The following RHOT2 variants were observed in gnomAD, a reference collection of about 807,000 sequenced individuals.
RHOT2 encodes the protein mitochondrial Rho GTPase 2.
In RHOT2, 90 loss-of-function variants were observed where a neutral mutation model predicts 81.6. The ratio of observed to expected loss-of-function variants is 1.10; its 90% confidence interval spans 0.93 to 1.31. RHOT2 has a LOEUF of 1.31. Among genes scored for constraint, RHOT2 ranks in the 40% most tolerant of loss-of-function variants. RHOT2 has a pLI of 0.00. For missense variants in RHOT2, 1,014 were observed against 841.9 expected (o/e 1.20, Z -2.53); for synonymous variants, 512 against 370.9 (o/e 1.38, Z -4.37).
rs1266717332 is a variant in RHOT2, at chr16:672,312, G to A, written c.1254G>A (p.Leu418=). The A allele has an allele frequency of 3.7e-6, 6 of 1,612,460 alleles. No individual in the cohort carries two copies. Among genetic ancestry groups the A allele is most frequent in the Admixed American group, 1.7e-5 (1 of 59,976 alleles). ...EKGQTQRSVL[L]CKVVGARGVG... ...GACAGACGCAGCGGAGCGTCCTCCT[G>A]TGCAAGGTGGTAGGGGCCCGTGGAG... is the stretch of plus-strand genomic sequence containing the variant. The change falls in exon 15 of 19, where the codon CTG becomes CTA. Residue 418 remains leucine (L), a synonymous_variant. Coordinates refer to ENST00000315082, the MANE Select transcript of RHOT2 (RefSeq NM_138769.3).
chr16:668,313 G>GTA, intron 1 of RHOT2, 40 bp from the exon 2 acceptor site: 2 of 1,290,320 alleles, frequency 1.5e-6, no homozygotes, highest in Non-Finnish European at 9.8e-7. Flanking sequence ...GGGGGGCGCC[G>GTA]TGACCTTGGC....
intron 5 of RHOT2, 70 bp from the exon 6 acceptor site, chr16:670,053 G>T: frequency 7.0e-7 from 1 of 1,431,422 alleles, no homozygotes; most frequent in Non-Finnish European, 9.4e-7. Context: ...CCCCCAGCCA[G>T]GCTCATGCTC....
rs375138508 is a variant in RHOT2 at position 671,677 on chromosome 16, G to A, written c.870-20G>A. 40 of 1,606,970 alleles carry A rather than the reference G, an allele frequency of 2.5e-5. No homozygotes were observed. Among genetic ancestry groups the A allele is most frequent in the Admixed American group, 1.5e-4 (9 of 59,814 alleles). ...CTGCAGAGTCTCCTGGGAGCTAGAC[G>A]GGCTGTGGCCTCCCTGCAGGATCCA... On this transcript the variant is annotated intron_variant, in intron 11 of 18. Coordinates refer to ENST00000315082, the MANE Select transcript of RHOT2 (RefSeq NM_138769.3).
At chr16:669,227 T>C in intron 4 of RHOT2, 1 of 474,776 alleles carries the variant, frequency 2.1e-6, no homozygotes, top group South Asian at 2.3e-5. Flanking sequence ...TGGCCGTGTC[T>C]GTCCTGAGCC....
At chr16:669,761 G>C (rs780395905) in intron 5 of RHOT2, 155 bp downstream of exon 5, 160 of 734,060 alleles carry the variant, frequency 2.2e-4, no homozygotes, top group Non-Finnish European at 4.2e-5. Flanking sequence ...GCCCTCTCCT[G>C]TGATCCCACT....
Position 670,720 on chromosome 16 carries a change from T to G in RHOT2, c.586T>G (p.Ser196Ala), listed in dbSNP as rs150725555. 16 of 1,612,470 alleles carry G rather than the reference T, an allele frequency of 9.9e-6. No individual in the cohort carries two copies. The highest frequency in any genetic ancestry group is 3.3e-4 in the Middle Eastern group (2 of 6,058). ...GGCGCTGACGCGCATCTTCAGGCTC[T>G]CAGATCAGGACCTGGACCAGGCGCT... ...AQALTRIFRL[S>A]DQDLDQALSD... The change falls in exon 9 of 19, where the codon TCA (serine) becomes GCA (alanine). Residue 196 changes from serine to alanine, a missense_variant. Transcript: ENST00000315082.
Position 672,003 on chromosome 16 carries a change from G to T in RHOT2, c.1097+1G>T. On this transcript the variant is annotated splice_donor_variant, in intron 13 of 18. Transcript: ENST00000315082. LOFTEE classifies it high-confidence loss of function. Reference sequence around the variant, plus strand: ...TGCACGGATACCTCTGCCAGTGGACGTAAGTGCGGCCCACACCATGCCCGC... The same window carrying T: ...TGCACGGATACCTCTGCCAGTGGACTTAAGTGCGGCCCACACCATGCCCGC... 6.2e-7 allele frequency: 1 copy of T among 1,611,726 alleles called. No homozygotes were observed. Among genetic ancestry groups the T allele is most frequent in the Middle Eastern group, 1.7e-4 (1 of 6,058 alleles).
At chr16:669,658 C>CCCAGGTGGA (rs768997827) in intron 5 of RHOT2, 52 bp downstream of exon 5, 1 of 1,572,442 alleles carries the variant, frequency 6.4e-7, no homozygotes, top group Admixed American at 1.7e-5. Flanking sequence ...CCGGTGGTGG[C>CCCAGGTGGA]CCAGGTGGAC....
rs185767359 is a variant in RHOT2, at chr16:669,686, C to G, written c.276+80C>G. ...AGGTGGACCTTCACCCAACCCGTGG[C>G]CAGTGCCATCGCTCACAGCATTTTG... On this transcript the variant is annotated intron_variant, in intron 5 of 18. Coordinates refer to ENST00000315082, the MANE Select transcript of RHOT2 (RefSeq NM_138769.3). 76 of 1,412,920 alleles carry G rather than the reference C, an allele frequency of 5.4e-5. 1 individual carries two copies. In the East Asian group the frequency reaches 1.5e-3, roughly 28 times the overall value. 87.5% of individuals were successfully genotyped at this position (1,412,920 alleles called of 1,614,324 possible).
At chr16:671,810 G>GCCCCTTC in intron 12 of RHOT2, 29 bp downstream of exon 12, 1 of 1,586,240 alleles carries the variant, frequency 6.3e-7, no homozygotes, top group Admixed American at 1.7e-5. Flanking sequence ...CCCTGCCCCT[G>GCCCCTTC]CCCCCGCCCC....
intron 4 of RHOT2, 103 bp from the exon 5 acceptor site, chr16:669,450 A>G: frequency 8.6e-7 from 1 of 1,157,596 alleles, no homozygotes; most frequent in Non-Finnish European, 1.3e-6. Context: ...GCTACCTGTG[A>G]GCTTCTGGGG....
Position 670,316 on chromosome 16 carries a change from C to T in RHOT2, c.397C>T (p.Pro133Ser), listed in dbSNP as rs754620648. The T allele has an allele frequency of 5.0e-6, 8 of 1,612,872 alleles. No homozygotes were observed. The East Asian group carries it at 1.1e-4, about 22-fold the overall frequency. ...GGGGAGCTCCATGGAGGCCGTGCTC[C>T]CCATCATGAGCCAGTTTCCCGAGAT... ...RSGSSMEAVL[P>S]IMSQFPEIET... Residue 133 changes from proline (P) to serine (S), a missense_variant, in exon 7 of 19, where the codon CCC becomes TCC. Physicochemically the swap from Pro to Ser is moderately conservative, Grantham distance 74. Transcript: ENST00000315082.
intron 12 of RHOT2, 39 bp downstream of exon 12, chr16:671,820 C>CCCCCCCCCCCCCGGCA: frequency 6.2e-7 from 1 of 1,602,398 alleles, no homozygotes; most frequent in South Asian, 1.1e-5. Context: ...GCCCCCGCCC[C>CCCCCCCCCCCCCGGCA]CTCCCCGGCA....
intron 5 of RHOT2, chr16:669,825 CCT>C (rs917376477): frequency 1.6e-5 from 10 of 614,430 alleles, no homozygotes; most frequent in African/African-American, 1.6e-4. Flanking sequence ...GGCCGGCAGT[CCT>C]CTTTCTTCCC....
At position 673,074 on chromosome 16, in the gene RHOT2, C is replaced by T. The variant is rs200594328; in HGVS notation, c.1674C>T (p.Gly558=). 6.2e-7 allele frequency: 1 copy of T among 1,611,630 alleles called. No homozygotes were observed. Among genetic ancestry groups the T allele is most frequent in the East Asian group, 2.2e-5 (1 of 44,880 alleles). ...CTCCCGTGCCGTTCTCCTGTGCTGGCCCAGCCGAGCCCAGCACCACCATCT... is the reference window on the plus strand; with the variant it reads ...CTCCCGTGCCGTTCTCCTGTGCTGGTCCAGCCGAGCCCAGCACCACCATCT... ...LPAPVPFSCA[G]PAEPSTTIFT... Residue 558 remains glycine (G), a synonymous_variant, in exon 18 of 19, where the codon GGC becomes GGT. Transcript: ENST00000315082.
At chr16:672,851 C>T in intron 17 of RHOT2, 26 bp downstream of exon 17, 1 of 1,612,570 alleles carries the variant, frequency 6.2e-7, no homozygotes, top group Non-Finnish European at 8.5e-7. Flanking sequence ...GGCCACGTGG[C>T]CATGGGGCAG....
At position 668,488 on chromosome 16, in the gene RHOT2, G is replaced by C. The variant is rs950784218; in HGVS notation, c.97G>C (p.Val33Leu). Residue 33 changes from valine (V) to leucine (L), a missense_variant and splice_region_variant, in exon 3 of 19, where the codon GTC (valine) becomes CTC (leucine). Transcript: ENST00000315082. The part of the protein sequence containing the change: ...SLVGEEFPEE[V>L]PPRAEEITIP... ...TGGTGAGCGCGCGGGTCCCTTGCAG[G>C]TCCCTCCCCGCGCGGAGGAGATCAC... 3 of 1,604,896 alleles carry C rather than the reference G, an allele frequency of 1.9e-6. No homozygotes were observed. In the African/African-American group the frequency reaches 4.0e-5, roughly 22 times the overall value.
At position 672,942 on chromosome 16, in the gene RHOT2, C is replaced by T. The variant is rs79058341; in HGVS notation, c.1542C>T (p.Asp514=). ...TCTGCCCACAGCACCATTACATGGA[C>T]GGGCAGACCCCCTGCCTCTTTGTCT... ...CASVYKHHYM[D]GQTPCLFVSS... The change falls in exon 18 of 19, where the codon GAC becomes GAT. Residue 514 remains aspartate (D), a synonymous_variant. Coordinates refer to ENST00000315082, the MANE Select transcript of RHOT2 (RefSeq NM_138769.3). The T allele has an allele frequency of 6.0e-4, 971 of 1,612,796 alleles. 18 individuals carry two copies. In the South Asian group the frequency reaches 8.5e-3, roughly 14 times the overall value.
intron 4 of RHOT2, chr16:668,948 A>G: frequency 1.9e-6 from 1 of 532,494 alleles, no homozygotes; most frequent in East Asian, 3.3e-5. Context: ...CCGGGGTGGC[A>G]GCAGCGTTTG....
Sources: gnomAD v4.1 joint callset for allele counts on GRCh38, gnomAD v4.1.1 for gene constraint, MANE v1.5 for transcripts, NCBI Gene and HGNC (gene_info 2026-07-23, HGNC 2026-07-21) for gene names.